Variants in KAZN observed in about 807,000 individuals in gnomAD.
KAZN encodes the protein kazrin, periplakin interacting protein.
In KAZN, 40 loss-of-function variants were observed where a neutral mutation model predicts 87.4. The observed-to-expected ratio is 0.46, with a 90% CI of 0.36 to 0.60. The LOEUF (loss-of-function observed/expected upper bound fraction) is 0.60. Ranked by LOEUF, KAZN falls within the 20% of genes least tolerant of loss-of-function variation. The pLI is 0.00. For missense variants in KAZN, 898 were observed against 1,073.9 expected, an observed-to-expected ratio of 0.84 and a Z score of 2.29; for synonymous variants, 466 against 458.3, an observed-to-expected ratio of 1.02 and a Z score of -0.22.
intron 2 of KAZN, among the ~76,000 whole-genome samples, chr1:14,217,975 A>G (rs1305128269): frequency 6.6e-6 from 1 of 152,158 alleles, no homozygotes. Context: ...GGCAAACTCA[A>G]TGACTTGGAG....
At chr1:14,270,332 T>C (rs1651822891) in intron 2 of KAZN, among the ~76,000 whole-genome samples, 1 of 152,202 alleles carries the variant, frequency 6.6e-6, no homozygotes, top group African/African-American at 2.4e-5. Context: ...GGATGTGTTA[T>C]TATCAAAAGA....
intron 1 of KAZN, among the ~76,000 whole-genome samples, chr1:14,858,402 G>A (rs537741761): frequency 3.0e-4 from 46 of 151,910 alleles, no homozygotes; most frequent in African/African-American, 9.9e-4. Flanking sequence ...TAGTAGAGAC[G>A]GGGTTTCACC....
intron 1 of KAZN, among the ~76,000 whole-genome samples, chr1:14,161,546 G>C (rs1645710205): frequency 6.6e-6 from 1 of 152,220 alleles, no homozygotes; most frequent in Non-Finnish European, 1.5e-5. Flanking sequence ...TGATTGGAGA[G>C]AGAGCAAGAT....
intron 1 of KAZN, among the ~76,000 whole-genome samples, chr1:14,612,835 A>G (rs1266084344): frequency 2.0e-5 from 3 of 152,208 alleles, no homozygotes; most frequent in Non-Finnish European, 4.4e-5. Context: ...TGCTGGTTTA[A>G]GGGACTAACA....
chr1:14,551,036 G>A (rs1204201700), intron 2 of KAZN, among the ~76,000 whole-genome samples: 1 of 151,806 alleles, frequency 6.6e-6, no homozygotes, highest in African/African-American at 2.4e-5. Flanking sequence ...CCAGCAAATG[G>A]CCTGGTTAGA....
At chr1:14,883,555 C>T (rs762469236) in intron 1 of KAZN, among the ~76,000 whole-genome samples, 4 of 151,732 alleles carry the variant, frequency 2.6e-5, no homozygotes, top group East Asian at 2.0e-4. Flanking sequence ...TATCTTCACA[C>T]GCTCCTCCCA....
intron 2 of KAZN, among the ~76,000 whole-genome samples, chr1:14,524,289 T>C (rs1671750906): frequency 6.6e-6 from 1 of 152,098 alleles, no homozygotes; most frequent in South Asian, 2.1e-4. Context: ...CCCGAAGTGC[T>C]GAGATTATAG....
At chr1:14,030,739 T>C (rs1456351964) in intron 1 of KAZN, among the ~76,000 whole-genome samples, 1 of 151,872 alleles carries the variant, frequency 6.6e-6, no homozygotes, top group Non-Finnish European at 1.5e-5. Context: ...GGATGTTTAT[T>C]AGCAGGGTAA....
chr1:14,353,225 C>CTTTTTTT (rs34074015), intron 2 of KAZN, among the ~76,000 whole-genome samples: 1 of 137,662 alleles, frequency 7.3e-6, no homozygotes, highest in Non-Finnish European at 1.6e-5. Context: ...GATGACATCA[C>CTTTTTTT]TTTTTTTTTT....
At position 14,773,639 on chromosome 1, in the gene KAZN, C is replaced by G. The variant is rs1645084875; in HGVS notation, c.226+174416C>G. Among the ~76,000 whole-genome samples the G allele has an allele frequency of 6.6e-6, 1 of 152,180 alleles. No individual in the cohort carries two copies. On this transcript the variant is annotated intron_variant, in intron 1 of 14. Coordinates refer to ENST00000376030, the MANE Select transcript of KAZN (RefSeq NM_201628.3). The surrounding 1 kb of genome is among the most constrained non-coding windows in gnomAD (Gnocchi z 5.9). ...AGGCACCCGCCACCCGGTTCTCCTT[C>G]TTCCTCTTCTAAAACACTGCAACCA...
chr1:14,023,675 TAAAC>T (rs894247261), intron 1 of KAZN, among the ~76,000 whole-genome samples: 35 of 151,732 alleles, frequency 2.3e-4, no homozygotes, highest in Non-Finnish European at 4.3e-4. Flanking sequence ...CAAGGAACGG[TAAAC>T]AAACAAACAA....
chr1:14,288,697 T>C (rs1318819027), intron 2 of KAZN, among the ~76,000 whole-genome samples: 1 of 152,230 alleles, frequency 6.6e-6, no homozygotes, highest in African/African-American at 2.4e-5. Context: ...TCTGCTCTGA[T>C]CTTCGTTATT....
At chr1:14,731,392 G>C (rs1365879428) in intron 1 of KAZN, among the ~76,000 whole-genome samples, 1 of 152,202 alleles carries the variant, frequency 6.6e-6, no homozygotes, top group African/African-American at 2.4e-5. Context: ...AGTGGGCTAA[G>C]GGTGCCCAGC....
intron 1 of KAZN, among the ~76,000 whole-genome samples, chr1:13,997,285 C>T (rs1639570165): frequency 6.6e-6 from 1 of 152,064 alleles, no homozygotes. Context: ...TGAAAAAATG[C>T]TGAAAACCCA....
chr1:15,046,806 G>C (rs1287689573), intron 4 of KAZN, among the ~76,000 whole-genome samples: 2 of 152,216 alleles, frequency 1.3e-5, no homozygotes, highest in Admixed American at 1.3e-4. Flanking sequence ...GATAATACTG[G>C]AGGCCCTGCT....
chr1:14,828,900 T>C (rs749739210), intron 1 of KAZN, among the ~76,000 whole-genome samples: 1 of 152,160 alleles, frequency 6.6e-6, no homozygotes, highest in African/African-American at 2.4e-5. Context: ...GCAGAAGAGA[T>C]AGCGAGAGCA....
chr1:14,297,544 T>C (rs1433846152), intron 2 of KAZN, among the ~76,000 whole-genome samples: 1 of 151,758 alleles, frequency 6.6e-6, no homozygotes, highest in African/African-American at 2.4e-5. Flanking sequence ...ATCAGCTCCC[T>C]CCCCCACACC....
intron 1 of KAZN, among the ~76,000 whole-genome samples, chr1:14,063,266 A>G (rs1405984767): frequency 6.6e-6 from 1 of 152,206 alleles, no homozygotes. Context: ...GTATTTCCCA[A>G]AACTTGAATT....
At chr1:13,956,698 A>G (rs1324891550) in intron 1 of KAZN, among the ~76,000 whole-genome samples, 1 of 152,138 alleles carries the variant, frequency 6.6e-6, no homozygotes, top group African/African-American at 2.4e-5. Context: ...GGAGCATGAT[A>G]TGCACCCACT....
Sources: allele counts gnomAD v4.1 joint callset (sites outside exome capture counted in the v4.1 genomes callset), GRCh38; gene constraint gnomAD v4.1.1; non-coding constraint Gnocchi (gnomAD v3.1); transcripts MANE v1.5; gene names NCBI Gene and HGNC (gene_info 2026-07-23, HGNC 2026-07-21).